Variants in ICOS observed in about 807,000 individuals in gnomAD.
The protein encoded by ICOS is inducible T cell costimulator.
A neutral mutation model predicts 24.6 loss-of-function variants in ICOS; 15 were observed. That is an observed-to-expected ratio of 0.61 (90% CI 0.41 to 0.94). The LOEUF (loss-of-function observed/expected upper bound fraction) is 0.94, where lower values mean the gene tolerates loss of function less well. ICOS is among the 40% of genes least tolerant of loss of function. ICOS has a pLI of 0.00. For missense variants in ICOS, 200 were observed against 233.0 expected, an observed-to-expected ratio of 0.86 and a Z score of 0.92; for synonymous variants, 89 against 77.5, an observed-to-expected ratio of 1.15 and a Z score of -0.78.
Position 203,956,640 on chromosome 2 carries a change from AC to A in ICOS, c.395-17del, listed in dbSNP as rs1367564359. On this transcript the variant is annotated intron_variant, in intron 2 of 4. Transcript: ENST00000316386. ...GTTCAGCAGAATTTTTCATTAACATACCTTTTTTTCCAATCCAGAATCACAA... is the reference window on the plus strand; with the variant it reads ...GTTCAGCAGAATTTTTCATTAACATACTTTTTTTCCAATCCAGAATCACAA... The A allele has an allele frequency of 1.9e-6, 3 of 1,558,268 alleles. No individual in the cohort carries two copies. The African/African-American group carries it at 4.1e-5, about 21-fold the overall frequency.
intron 1 of ICOS, among the ~76,000 whole-genome samples, chr2:203,941,144 A>G (rs891253123): frequency 6.6e-6 from 1 of 152,040 alleles, no homozygotes; most frequent in African/African-American, 2.4e-5. Context: ...GAAAGTTTTC[A>G]ATCTCTAGAC....
At chr2:203,958,148 A>G (rs62177477) in intron 4 of ICOS, among the ~76,000 whole-genome samples, 2,349 of 152,284 alleles carry the variant, frequency 0.015, 25 homozygotes, top group Non-Finnish European at 0.022. Flanking sequence ...TATCAAGGCA[A>G]TTTTCCCATT....
chr2:203,949,658 G>A (rs1004079050), intron 1 of ICOS, among the ~76,000 whole-genome samples: 2 of 152,108 alleles, frequency 1.3e-5, no homozygotes, highest in Non-Finnish European at 2.9e-5. Context: ...AGGATGTTTT[G>A]GAGAAGATTT....
chr2:203,948,336 C>G (rs1038431758), intron 1 of ICOS, among the ~76,000 whole-genome samples: 87 of 152,206 alleles, frequency 5.7e-4, no homozygotes, highest in African/African-American at 2.0e-3. Context: ...AGATAGTCAC[C>G]TTTTCTGGCT....
intron 1 of ICOS, among the ~76,000 whole-genome samples, chr2:203,940,492 A>G (rs1689747242): frequency 6.6e-6 from 1 of 152,142 alleles, no homozygotes; most frequent in African/African-American, 2.4e-5. Context: ...GAATTCCAGT[A>G]CAGGTAAGGG....
chr2:203,956,781 C>T lies in ICOS; in HGVS notation c.501+16C>T. 3 of 1,498,970 alleles carry T rather than the reference C, an allele frequency of 2.0e-6. No individual in the cohort carries two copies. The highest frequency in any genetic ancestry group is 2.8e-6 in the Non-Finnish European group (3 of 1,075,466). The allele number at this position is 1,498,970 out of a possible 1,614,324, so 92.9% of individuals were successfully genotyped here. ...TACAAAAAAGGTAAGCGATTTCTATCTTTCCTTGTATCTGCTTTACAGATG... is the reference window on the plus strand; with the variant it reads ...TACAAAAAAGGTAAGCGATTTCTATTTTTCCTTGTATCTGCTTTACAGATG... On this transcript the variant is annotated intron_variant, in intron 3 of 4. Coordinates refer to ENST00000316386, the MANE Select transcript of ICOS (RefSeq NM_012092.4).
chr2:203,959,482 G>C (rs1363522866), intron 4 of ICOS, 104 bp from the exon 5 acceptor site: 1 of 859,772 alleles, frequency 1.2e-6, no homozygotes, highest in Non-Finnish European at 2.0e-6. Context: ...GTGTGTGCAC[G>C]TGTGTGTTTG....
intron 1 of ICOS, among the ~76,000 whole-genome samples, chr2:203,941,589 T>G (rs1383645391): frequency 1.3e-5 from 2 of 152,238 alleles, no homozygotes; most frequent in Non-Finnish European, 2.9e-5. Flanking sequence ...TTACTGGGCT[T>G]TGCAAATTTT....
intron 1 of ICOS, among the ~76,000 whole-genome samples, chr2:203,954,429 C>A (rs1690039331): frequency 6.6e-6 from 1 of 151,908 alleles, no homozygotes; most frequent in Admixed American, 6.6e-5. Context: ...TACAAAATTT[C>A]TTTTTCAAAG....
At chr2:203,941,490 A>G (rs1581599685) in intron 1 of ICOS, among the ~76,000 whole-genome samples, 2 of 152,330 alleles carry the variant, frequency 1.3e-5, no homozygotes, top group Non-Finnish European at 2.9e-5. Flanking sequence ...AAAAAAATTC[A>G]TCCCAGTATT....
In ICOS at chr2:203,959,790, C is replaced by T. The variant is rs1449826143; in HGVS notation, c.*191C>T. 3.0e-6 allele frequency: 2 copies of T among 661,108 alleles called. No homozygotes were observed. Among genetic ancestry groups the T allele is most frequent in the Non-Finnish European group, 5.4e-6 (2 of 367,170 alleles). The allele number at this position is 661,108 out of a possible 1,614,324, so 41.0% of individuals were successfully genotyped here. On this transcript the variant is annotated 3_prime_UTR_variant, in exon 5 of 5. Transcript: ENST00000316386. ...TTTTAACAGACTGCCTTGGTACTGC[C>T]GAGTCCTCTCAAAACAAACACCCTC... is the stretch of plus-strand genomic sequence containing the variant.
intron 1 of ICOS, among the ~76,000 whole-genome samples, chr2:203,950,013 G>T (rs760596711): frequency 1.3e-5 from 2 of 152,224 alleles, no homozygotes; most frequent in African/African-American, 2.4e-5. Context: ...GTTATAAGGG[G>T]CAGTCTCCTT....
intron 4 of ICOS, among the ~76,000 whole-genome samples, chr2:203,958,892 C>G (rs1334336566): frequency 6.6e-6 from 1 of 152,130 alleles, no homozygotes; most frequent in Non-Finnish European, 1.5e-5. Flanking sequence ...TCCCCACAAG[C>G]AGAACCTGAC....
intron 3 of ICOS, among the ~76,000 whole-genome samples, chr2:203,957,277 G>A (rs1690094304): frequency 6.6e-6 from 1 of 152,094 alleles, no homozygotes; most frequent in Admixed American, 6.6e-5. Flanking sequence ...TTTTTTACAT[G>A]GTAGGTTATT....
Position 203,955,793 on chromosome 2 carries a change from A to G in ICOS, c.216A>G (p.Gly72=), listed in dbSNP as rs766489369. The part of the protein sequence containing the change: ...LCDLTKTKGS[G]NTVSIKSLKF... ...ATCTCACTAAGACAAAAGGAAGTGG[A>G]AACACAGTGTCCATTAAGAGTCTGA... The change falls in exon 2 of 5, where the codon GGA becomes GGG. Residue 72 remains glycine, a synonymous_variant. Transcript: ENST00000316386. 18 of 1,613,786 alleles carry G rather than the reference A, an allele frequency of 1.1e-5. No homozygotes were observed. In the South Asian group the frequency reaches 2.0e-4, roughly 18 times the overall value.
chr2:203,940,501 G>A (rs188184472), intron 1 of ICOS, among the ~76,000 whole-genome samples: 1 of 151,968 alleles, frequency 6.6e-6, no homozygotes, highest in African/African-American at 2.4e-5. Context: ...TACAGGTAAG[G>A]GTGTCTTCCT....
intron 4 of ICOS, among the ~76,000 whole-genome samples, chr2:203,958,502 C>A (rs1486377809): frequency 6.6e-6 from 1 of 152,076 alleles, no homozygotes; most frequent in African/African-American, 2.4e-5. Context: ...TTGAGGAGCA[C>A]CCAGAAAGTT....
intron 4 of ICOS, among the ~76,000 whole-genome samples, chr2:203,958,905 A>G (rs1381403241): frequency 6.6e-6 from 1 of 152,150 alleles, no homozygotes; most frequent in Non-Finnish European, 1.5e-5. Context: ...AACCTGACAT[A>G]AGGACTTGGG....
chr2:203,957,367 GTGCTGGGGGA>G (rs539003193), intron 3 of ICOS, among the ~76,000 whole-genome samples: 116 of 152,310 alleles, frequency 7.6e-4, no homozygotes, highest in South Asian at 3.7e-3. Flanking sequence ...AAATCTCCCT[GTGCTGGGGGA>G]TATTCTTTTT....
Sources: gnomAD v4.1 joint callset for allele counts (sites outside exome capture counted in the v4.1 genomes callset) on GRCh38, gnomAD v4.1.1 for gene constraint, MANE v1.5 for transcripts, NCBI Gene and HGNC (gene_info 2026-07-23, HGNC 2026-07-21) for gene names.